The following CADM2 variants were observed in gnomAD, a reference collection of about 807,000 sequenced individuals.
CADM2 encodes the protein immunoglobulin superfamily member 4D.
CADM2 carries 12 observed loss-of-function variants against 49.8 expected under a neutral mutation model. The ratio of observed to expected loss-of-function variants is 0.24; its 90% CI spans 0.15 to 0.39. The LOEUF is 0.39. Ranked by LOEUF, CADM2 falls within the 10% of genes least tolerant of loss-of-function variation. The probability of loss-of-function intolerance (pLI) is 1.00; values close to 1 mark genes in which losing one functional copy is unlikely to be tolerated. For synonymous variants in CADM2, 214 were observed against 175.4 expected (o/e 1.22, Z -1.74); for missense variants, 378 against 492.3 (o/e 0.77, Z 2.20).
intron 1 of CADM2, among the ~76,000 whole-genome samples, chr3:85,526,291 A>C (rs1470636): frequency 0.55 from 78,317 of 141,128 alleles, 23,160 homozygotes; most frequent in East Asian, 0.85. Context: ...CTTTTTATTA[A>C]ATTTTGGCCT....
At chr3:85,873,707 T>C (rs926437804) in intron 3 of CADM2, among the ~76,000 whole-genome samples, 2 of 152,160 alleles carry the variant, frequency 1.3e-5, no homozygotes, top group Non-Finnish European at 2.9e-5. Context: ...AAGTAGGATG[T>C]CATTCTTCAA....
rs117237092 is a variant in CADM2, at chr3:85,723,577, C to T, written c.62-2945C>T. ...TTATATTAACCTAGTCTAGTATTAG[C>T]TGCCGGCATACAGAAACAGGCATAG... On this transcript the variant is annotated intron_variant, in intron 1 of 9. Transcript: ENST00000383699. Among the ~76,000 whole-genome samples, 36 of 152,192 alleles carry T rather than the reference C, an allele frequency of 2.4e-4. No individual in the cohort carries two copies. The East Asian group carries it at 6.9e-3, about 29-fold the overall frequency.
At chr3:85,229,257 G>A (rs998724636) in intron 1 of CADM2, among the ~76,000 whole-genome samples, 1 of 152,322 alleles carries the variant, frequency 6.6e-6, no homozygotes, top group Middle Eastern at 3.4e-3. Flanking sequence ...GGTGGCCATG[G>A]GACCCGCTGA....
At position 85,310,073 on chromosome 3, in the gene CADM2, G is replaced by A. The variant is rs539700017; in HGVS notation, c.61+350405G>A. Among the ~76,000 whole-genome samples the A allele has an allele frequency of 6.6e-4, 100 of 152,060 alleles. 1 individual carries two copies. In the South Asian group the frequency reaches 0.02, roughly 31 times the overall value. ...TTGTTTTAAAGTACTTTGTCCTTTT[G>A]GGAAACAGAAAAGGCTTTAATAATA... On this transcript the variant is annotated intron_variant, in intron 1 of 9. Coordinates refer to ENST00000383699, the MANE Select transcript of CADM2 (RefSeq NM_001167675.2).
chr3:84,995,804 A>G (rs2033152794), intron 1 of CADM2, among the ~76,000 whole-genome samples: 1 of 152,132 alleles, frequency 6.6e-6, no homozygotes, highest in Non-Finnish European at 1.5e-5. Flanking sequence ...TGTTGTTTCC[A>G]CAACTGGCTT....
intron 1 of CADM2, among the ~76,000 whole-genome samples, chr3:85,301,336 A>G (rs1188683008): frequency 6.6e-6 from 1 of 152,014 alleles, no homozygotes; most frequent in African/African-American, 2.4e-5. Context: ...GCTAAAATGG[A>G]ATAGTATTCG....
intron 1 of CADM2, among the ~76,000 whole-genome samples, chr3:85,181,555 A>G (rs1426707013): frequency 6.6e-6 from 1 of 152,104 alleles, no homozygotes; most frequent in Non-Finnish European, 1.5e-5. Flanking sequence ...TGAGAATTGA[A>G]TATCAAGGTA....
At chr3:85,574,078 C>T (rs1208465261) in intron 1 of CADM2, among the ~76,000 whole-genome samples, 2 of 152,130 alleles carry the variant, frequency 1.3e-5, no homozygotes, top group Admixed American at 6.5e-5. Flanking sequence ...TACCTAGTAC[C>T]CTTAGCTATG....
intron 7 of CADM2, among the ~76,000 whole-genome samples, 167 bp downstream of exon 7, chr3:85,936,024 G>C (rs190147146): frequency 2.4e-4 from 36 of 151,782 alleles, no homozygotes; most frequent in Admixed American, 2.0e-3. Context: ...GTCTATGGAA[G>C]ATTGGTTTTT....
chr3:85,793,963 A>G (rs1406666593), intron 2 of CADM2, among the ~76,000 whole-genome samples: 1 of 152,162 alleles, frequency 6.6e-6, no homozygotes, highest in Admixed American at 6.5e-5. Context: ...CTTATACTTA[A>G]TATTCAAAAA....
intron 1 of CADM2, among the ~76,000 whole-genome samples, chr3:85,544,345 G>T (rs1397787369): frequency 6.6e-6 from 1 of 152,084 alleles, no homozygotes; most frequent in Non-Finnish European, 1.5e-5. Context: ...TTGGGAGGCC[G>T]AGGCGGGCGG....
intron 1 of CADM2, among the ~76,000 whole-genome samples, chr3:85,371,659 A>G (rs1405570293): frequency 8.0e-5 from 3 of 37,580 alleles, no homozygotes; most frequent in Non-Finnish European, 1.1e-4. Flanking sequence ...GGATATATAT[A>G]TATGTGTGTG....
At chr3:85,165,038 G>A (rs1470453653) in intron 1 of CADM2, among the ~76,000 whole-genome samples, 3 of 151,526 alleles carry the variant, frequency 2.0e-5, no homozygotes, top group Non-Finnish European at 4.4e-5. Flanking sequence ...AAAGTACTCC[G>A]AAATTTAAAA....
intron 1 of CADM2, among the ~76,000 whole-genome samples, chr3:85,708,727 T>G (rs1043331992): frequency 6.6e-6 from 1 of 152,198 alleles, no homozygotes; most frequent in African/African-American, 2.4e-5. Context: ...TTATTTAACA[T>G]TGACTATACA....
chr3:85,800,685 C>T (rs1399940435), intron 2 of CADM2: 1 of 152,534 alleles, frequency 6.6e-6, no homozygotes, highest in Non-Finnish European at 1.5e-5. Flanking sequence ...CTTGCACTTC[C>T]TGGGTGAAGT....
chr3:85,781,274 T>G (rs2070634790), intron 2 of CADM2, among the ~76,000 whole-genome samples: 1 of 152,228 alleles, frequency 6.6e-6, no homozygotes, highest in Non-Finnish European at 1.5e-5. Context: ...TAAGTCTTAC[T>G]GCTATTTTTA....
intron 1 of CADM2, among the ~76,000 whole-genome samples, chr3:85,098,144 T>C (rs1228083698): frequency 6.6e-6 from 1 of 152,006 alleles, no homozygotes; most frequent in Non-Finnish European, 1.5e-5. Context: ...AAAGCATCTG[T>C]AGTGCATTCT....
intron 1 of CADM2, among the ~76,000 whole-genome samples, chr3:85,038,577 A>G (rs1168882169): frequency 6.6e-6 from 1 of 152,194 alleles, no homozygotes; most frequent in Non-Finnish European, 1.5e-5. Context: ...TTTGATGCTA[A>G]TGAAAGGACC....
chr3:85,092,229 T>C (rs1056274465), intron 1 of CADM2, among the ~76,000 whole-genome samples: 8 of 152,194 alleles, frequency 5.3e-5, no homozygotes, highest in Admixed American at 6.5e-5. Context: ...TTCCTAAGTT[T>C]ATGTAAGTTC....
Sources: gnomAD v4.1 joint callset for allele counts (sites outside exome capture counted in the v4.1 genomes callset) on GRCh38, gnomAD v4.1.1 for gene constraint, MANE v1.5 for transcripts, NCBI Gene and HGNC (gene_info 2026-07-23, HGNC 2026-07-21) for gene names.